PPP1R16A: variants seen among roughly 807,000 people sequenced by gnomAD.
PPP1R16A encodes protein phosphatase 1 regulatory subunit 16A, also known as myosin phosphatase-targeting subunit 3.
PPP1R16A carries 39 observed loss-of-function variants against 46.6 expected under a neutral mutation model. The ratio of observed to expected loss-of-function variants is 0.84; its 90% CI spans 0.65 to 1.09. The LOEUF (loss-of-function observed/expected upper bound fraction) is 1.09, where lower values mean the gene tolerates loss of function less well. PPP1R16A is among the 50% of genes least tolerant of loss of function. PPP1R16A has a pLI of 0.00. For missense variants in PPP1R16A, 798 were observed against 735.6 expected (o/e 1.08, Z -0.98); for synonymous variants, 413 against 321.5 (o/e 1.28, Z -3.04).
chr8:144,497,417 C>G lies in PPP1R16A; in HGVS notation c.223C>G (p.Leu75Val), dbSNP rs1586754656. The G allele has an allele frequency of 6.2e-7, 1 of 1,612,936 alleles. No homozygotes were observed. The highest frequency in any genetic ancestry group is 1.3e-5 in the African/African-American group (1 of 74,948). The change falls in exon 3 of 12, where the codon CTT becomes GTT. Residue 75 changes from leucine (L) to valine (V), a missense_variant. Coordinates refer to ENST00000435887, the MANE Select transcript of PPP1R16A (RefSeq NM_001329443.2). Reference sequence around the variant, plus strand: ...GGTCCTCTTCCCTCCCAGTGTTGTCCTTCTGGAGGCCGCTGCCCGAAATGA... The same window carrying G: ...GGTCCTCTTCCCTCCCAGTGTTGTCGTTCTGGAGGCCGCTGCCCGAAATGA... ...KQVLFPPSVVLLEAAARNDLE... is the reference protein window; with the variant it reads ...KQVLFPPSVVVLEAAARNDLE...
At chr8:144,498,883 G>C in intron 4 of PPP1R16A, 33 bp from the exon 5 acceptor site, 2 of 1,612,594 alleles carry the variant, frequency 1.2e-6, no homozygotes, top group Non-Finnish European at 1.7e-6. Context: ...GCTGGCCCCC[G>C]TGCTCTGGTC....
intron 1 of PPP1R16A, among the ~76,000 whole-genome samples, chr8:144,488,850 G>A (rs1359070098): frequency 2.0e-5 from 3 of 151,772 alleles, no homozygotes; most frequent in Non-Finnish European, 4.4e-5. Context: ...ACATGGTGTC[G>A]CTGGGGACAG....
At chr8:144,483,723 C>CA (rs1387835037) in intron 1 of PPP1R16A, among the ~76,000 whole-genome samples, 6 of 150,428 alleles carry the variant, frequency 4.0e-5, no homozygotes, top group Non-Finnish European at 7.4e-5. Flanking sequence ...TTTTTTGAGA[C>CA]AGAGTCTTGC....
chr8:144,484,246 T>G (rs953086378), intron 1 of PPP1R16A, among the ~76,000 whole-genome samples: 3 of 152,196 alleles, frequency 2.0e-5, no homozygotes, highest in Admixed American at 6.5e-5. Context: ...TCAGAGCAAA[T>G]CCTGGGTTAC....
chr8:144,489,900 C>G (rs1433891772), intron 1 of PPP1R16A, 134 bp from the exon 2 acceptor site: 1 of 152,364 alleles, frequency 6.6e-6, no homozygotes, highest in Non-Finnish European at 1.5e-5. Flanking sequence ...CCCTGTGAGC[C>G]GCGGGCCATG....
In PPP1R16A at chr8:144,498,957, G is replaced by C. The variant is rs752704725; in HGVS notation, c.372G>C (p.Leu124=). The C allele has an allele frequency of 6.2e-7, 1 of 1,612,486 alleles. No individual in the cohort carries two copies. The highest frequency in any genetic ancestry group is 1.7e-5 in the Admixed American group (1 of 60,026). ...DDFREMVQQL[L]EAGANINACD... ...TCCGAGAGATGGTGCAGCAGCTCCT[G>C]GAGGCTGGGGCCAACATCAATGCCT... Residue 124 remains leucine (L), a synonymous_variant, in exon 5 of 12, where the codon CTG becomes CTC. Transcript: ENST00000435887.
At chr8:144,499,352 G>A (rs1826278455) in intron 5 of PPP1R16A, 1 of 454,238 alleles carries the variant, frequency 2.2e-6, no homozygotes, top group Admixed American at 3.8e-5. Context: ...TCAGTGAGGA[G>A]GGCAGAACTG....
Position 144,502,115 on chromosome 8 carries a change from C to T in PPP1R16A, c.*212C>T. 3.7e-6 allele frequency: 2 copies of T among 547,040 alleles called. No individual in the cohort carries two copies. Among genetic ancestry groups the T allele is most frequent in the Non-Finnish European group, 6.3e-6 (2 of 315,062 alleles). 33.9% of individuals were successfully genotyped at this position (547,040 alleles called of 1,614,324 possible). A position where few individuals can be genotyped will look rare whatever the true frequency, so the allele number is the denominator to read the frequency against. The stretch of plus-strand genomic sequence containing the variant: ...CAACTCTTGATAAAGGGCTGTTTTG[C>T]CATGGAGCCTCGTTGTGTGTTGTGT... On this transcript the variant is annotated 3_prime_UTR_variant, in exon 12 of 12. Coordinates refer to ENST00000435887, the MANE Select transcript of PPP1R16A (RefSeq NM_001329443.2).
At chr8:144,481,613 T>C (rs1000978285) in intron 1 of PPP1R16A, among the ~76,000 whole-genome samples, 3 of 151,968 alleles carry the variant, frequency 2.0e-5, no homozygotes, top group African/African-American at 4.8e-5. Context: ...CATTGCACTC[T>C]AGCCTGGGCA....
chr8:144,494,903 A>G (rs1825982725), intron 2 of PPP1R16A, among the ~76,000 whole-genome samples: 2 of 152,144 alleles, frequency 1.3e-5, no homozygotes, highest in Middle Eastern at 3.2e-3. Flanking sequence ...TGCCTGCAAG[A>G]CTGGCTCTCC....
At chr8:144,500,456 G>A (rs1826364996) in intron 7 of PPP1R16A, 31 bp from the exon 8 acceptor site, 1 of 1,552,546 alleles carries the variant, frequency 6.4e-7, no homozygotes, top group South Asian at 1.2e-5. Flanking sequence ...TGGGGGATGG[G>A]GCCGAATTCA....
rs111647396 is a variant in PPP1R16A, at chr8:144,497,090, C to T, written c.-105C>T. On this transcript the variant is annotated 5_prime_UTR_variant, in exon 3 of 12. Coordinates refer to ENST00000435887, the MANE Select transcript of PPP1R16A (RefSeq NM_001329443.2). ...CGAAGCTCTGGGAAGGGGATGCCCC[C>T]GAGGGTGCCAGTCCAGCTAGCTGCC... is the stretch of plus-strand genomic sequence containing the variant. 2.1e-3 allele frequency: 3,094 copies of T among 1,450,908 alleles called. 3 individuals carry two copies. The highest frequency in any genetic ancestry group is 2.6e-3 in the Non-Finnish European group (2,787 of 1,074,850). 89.9% of individuals were successfully genotyped at this position (1,450,908 alleles called of 1,614,324 possible). A position where few individuals can be genotyped will look rare whatever the true frequency, so the allele number is the denominator to read the frequency against.
In PPP1R16A at chr8:144,501,201, C is replaced by A. The variant is rs925866151; in HGVS notation, c.1110C>A (p.Ile370=). 1.9e-6 allele frequency: 3 copies of A among 1,609,454 alleles called. No individual in the cohort carries two copies. The African/African-American group carries it at 4.0e-5, about 21-fold the overall frequency. Residue 370 remains isoleucine, a synonymous_variant, in exon 11 of 12, where the codon ATC becomes ATA. Coordinates refer to ENST00000435887, the MANE Select transcript of PPP1R16A (RefSeq NM_001329443.2). ...GCAAGCAGCACGCCCAGGAGGCCAT[C>A]GTGTGGCAACAGCCGCCGCCCACCA... ...LYRKQHAQEA[I]VWQQPPPTSP... is the part of the protein sequence containing the mutation.
chr8:144,501,743 C>A lies in PPP1R16A; in HGVS notation c.1427C>A (p.Pro476His). 1 of 1,577,112 alleles carries A rather than the reference C, an allele frequency of 6.3e-7. No homozygotes were observed. The highest frequency in any genetic ancestry group is 1.8e-5 in the Admixed American group (1 of 55,372). The change falls in exon 12 of 12, where the codon CCC becomes CAC. Residue 476 changes from proline (P) to histidine (H), a missense_variant. Pro to His is a moderately conservative substitution (Grantham distance 77). Transcript: ENST00000435887. ...AKLQRPPPEG[P>H]ESPETAEPGL... is the part of the protein sequence containing the mutation. ...CTGCAGCGACCCCCACCTGAGGGGC[C>A]CGAGAGCCCTGAGACAGCTGAGCCT...
intron 1 of PPP1R16A, among the ~76,000 whole-genome samples, chr8:144,482,106 G>T (rs1372192541): frequency 6.6e-6 from 1 of 151,042 alleles, no homozygotes; most frequent in African/African-American, 2.4e-5. Context: ...CTTTTTTTTT[G>T]AGATGGAGTC....
intron 2 of PPP1R16A, among the ~76,000 whole-genome samples, chr8:144,494,391 C>T (rs932020057): frequency 4.6e-5 from 7 of 152,040 alleles, no homozygotes; most frequent in African/African-American, 1.7e-4. Flanking sequence ...CAGCTCGCTG[C>T]AGCCTCTACC....
intron 2 of PPP1R16A, among the ~76,000 whole-genome samples, chr8:144,492,990 C>G (rs1020819854): frequency 2.3e-4 from 35 of 152,144 alleles, no homozygotes; most frequent in Non-Finnish European, 1.9e-4. Flanking sequence ...TGGCCTTGGT[C>G]TCCCCATGTG....
chr8:144,480,375 C>CG (rs1825359235), intron 1 of PPP1R16A, among the ~76,000 whole-genome samples: 1 of 152,232 alleles, frequency 6.6e-6, no homozygotes, highest in Non-Finnish European at 1.5e-5. Flanking sequence ...AGTGCGGTTG[C>CG]ACAATCTCCA....
chr8:144,486,632 G>T (rs956416690), intron 1 of PPP1R16A, among the ~76,000 whole-genome samples: 1 of 152,154 alleles, frequency 6.6e-6, no homozygotes, highest in South Asian at 2.1e-4. Context: ...TGTCACGGAC[G>T]CATTTGCCAT....
Sources: gnomAD v4.1 joint callset for allele counts (sites outside exome capture counted in the v4.1 genomes callset) on GRCh38, gnomAD v4.1.1 for gene constraint, MANE v1.5 for transcripts, NCBI Gene and HGNC (gene_info 2026-07-23, HGNC 2026-07-21) for gene names.